The following FBXW12 variants were observed in gnomAD, a reference collection of about 807,000 sequenced individuals.
FBXW12 encodes F-box and WD repeat domain containing 12, also known as F-box/WD repeat-containing protein 12.
In FBXW12, 43 loss-of-function variants were observed where a neutral mutation model predicts 55.3. The observed-to-expected ratio is 0.78, with a 90% CI of 0.61 to 1.00. FBXW12 has a LOEUF of 1.00. Ranked by LOEUF, FBXW12 falls within the 50% of genes least tolerant of loss-of-function variation. The pLI is 0.00. For missense variants in FBXW12, 524 were observed against 560.5 expected (o/e 0.93, Z 0.66); for synonymous variants, 184 against 203.8 (o/e 0.90, Z 0.83).
chr3:48,390,406 CTTTTTTT>C (rs71625870), intron 10 of FBXW12, among the ~76,000 whole-genome samples: 13 of 57,938 alleles, frequency 2.2e-4, no homozygotes, highest in Admixed American at 4.6e-4. Context: ...AGGATTTCCT[CTTTTTTT>C]TTTTTTTTTT....
chr3:48,389,166 C>T (rs958357774), intron 10 of FBXW12, among the ~76,000 whole-genome samples: 4 of 152,098 alleles, frequency 2.6e-5, no homozygotes, highest in African/African-American at 7.2e-5. Context: ...CAAGGTTAGG[C>T]GATTGCTTGA....
chr3:48,380,912 G>A lies in FBXW12; in HGVS notation c.985G>A (p.Ala329Thr), dbSNP rs1200831003. ...GACTGGAGGCCAAACAGTCATCCAA[G>A]GTAGGCTGTGCCACATTAGAAACGC... ...KKTGGQTVIQ[A>T]YEIASFQVAA... Residue 329 changes from alanine to threonine, a missense_variant and splice_region_variant, in exon 8 of 11, where the codon GCA becomes ACA. Coordinates refer to ENST00000296438, the MANE Select transcript of FBXW12 (RefSeq NM_207102.2). The A allele has an allele frequency of 6.2e-7, 1 of 1,613,138 alleles. No homozygotes were observed. Among genetic ancestry groups the A allele is most frequent in the African/African-American group, 1.3e-5 (1 of 74,884 alleles).
chr3:48,383,092 A>G (rs1160924899), intron 10 of FBXW12, among the ~76,000 whole-genome samples: 9 of 152,224 alleles, frequency 5.9e-5, no homozygotes, highest in African/African-American at 1.9e-4. Context: ...CAAGAATAGG[A>G]AAATGTCTAT....
chr3:48,380,965 T>A (rs895522541), intron 8 of FBXW12, 53 bp downstream of exon 8: 2 of 1,471,042 alleles, frequency 1.4e-6, no homozygotes, highest in African/African-American at 2.8e-5. Flanking sequence ...CACACAGTCA[T>A]TCGTGTTTAG....
intron 6 of FBXW12, 55 bp from the exon 7 acceptor site, chr3:48,379,345 A>G (rs1226683388): frequency 6.4e-7 from 1 of 1,555,118 alleles, no homozygotes; most frequent in Non-Finnish European, 8.9e-7. Context: ...CCTCCTCTGT[A>G]CTTCAGGATT....
chr3:48,381,265 G>A (rs1184907503), intron 8 of FBXW12, among the ~76,000 whole-genome samples: 4 of 152,022 alleles, frequency 2.6e-5, no homozygotes, highest in South Asian at 2.1e-4. Flanking sequence ...CTCATGATCC[G>A]CCTGCCTCGG....
At chr3:48,375,539 G>A in intron 5 of FBXW12, 67 bp downstream of exon 5, 4 of 919,648 alleles carry the variant, frequency 4.3e-6, no homozygotes, top group East Asian at 2.8e-5. Flanking sequence ...TATATGAAAC[G>A]GAAGTGCTGA....
intron 6 of FBXW12, among the ~76,000 whole-genome samples, chr3:48,378,974 C>T (rs758435757): frequency 2.6e-5 from 4 of 152,186 alleles, no homozygotes; most frequent in Non-Finnish European, 5.9e-5. Flanking sequence ...CAAACCTCCA[C>T]ACTATCTTGC....
intron 10 of FBXW12, among the ~76,000 whole-genome samples, chr3:48,389,230 G>A (rs949805395): frequency 6.6e-6 from 1 of 151,982 alleles, no homozygotes; most frequent in Admixed American, 6.6e-5. Context: ...TTTTTTAATG[G>A]GTTTGTTTTT....
rs1393883614 is a variant in FBXW12, at chr3:48,380,905, C to A, written c.978C>A (p.Val326=). The A allele has an allele frequency of 1.2e-6, 2 of 1,613,554 alleles. No individual in the cohort carries two copies. Among genetic ancestry groups the A allele is most frequent in the African/African-American group, 2.7e-5 (2 of 74,914 alleles). ...CCAAGAAGACTGGAGGCCAAACAGT[C>A]ATCCAAGGTAGGCTGTGCCACATTA... ...LTTKKTGGQT[V]IQAYEIASFQ... The change falls in exon 8 of 11, where the codon GTC becomes GTA. Residue 326 remains valine, a synonymous_variant. Coordinates refer to ENST00000296438, the MANE Select transcript of FBXW12 (RefSeq NM_207102.2).
intron 5 of FBXW12, among the ~76,000 whole-genome samples, chr3:48,377,757 T>G (rs538132189): frequency 6.6e-6 from 1 of 152,360 alleles, no homozygotes; most frequent in East Asian, 1.9e-4. Flanking sequence ...TCAGGAGGGC[T>G]TAGAAGTGGT....
At chr3:48,378,593 G>A in intron 6 of FBXW12, 67 bp downstream of exon 6, 4 of 1,143,290 alleles carry the variant, frequency 3.5e-6, no homozygotes, top group Non-Finnish European at 5.2e-6. Context: ...AGGCATCCGT[G>A]TCACATTACT....
Position 48,375,974 on chromosome 3 carries a change from C to CTTTTT in FBXW12, c.405+525_405+529dup, listed in dbSNP as rs34834484. Among the ~76,000 whole-genome samples the CTTTTT allele has an allele frequency of 3.4e-3, 138 of 40,652 alleles. 37 individuals carry two copies. Among genetic ancestry groups the CTTTTT allele is most frequent in the African/African-American group, 9.2e-3 (97 of 10,548 alleles). 26.7% of individuals were successfully genotyped at this position (40,652 alleles called of 152,430 possible). A position where few individuals can be genotyped will look rare whatever the true frequency, so the allele number is the denominator to read the frequency against. ...ACAGGCGTGAGCCACTGCGCCCGGC[C>CTTTTT]TTTTTTTTTTTTTTTTTTTTTTTTT... On this transcript the variant is annotated intron_variant, in intron 5 of 10. Transcript: ENST00000296438.
At chr3:48,379,262 A>C in intron 6 of FBXW12, 138 bp from the exon 7 acceptor site, 1 of 789,122 alleles carries the variant, frequency 1.3e-6, no homozygotes. Flanking sequence ...GTCTCAAGCT[A>C]GACTGGTCAG....
chr3:48,387,051 C>T (rs904088450), intron 10 of FBXW12, among the ~76,000 whole-genome samples: 4 of 152,040 alleles, frequency 2.6e-5, no homozygotes, highest in East Asian at 1.9e-4. Context: ...GATTCTCCTG[C>T]CTCAGGGTGT....
At chr3:48,377,580 T>C (rs887698356) in intron 5 of FBXW12, among the ~76,000 whole-genome samples, 2 of 152,242 alleles carry the variant, frequency 1.3e-5, no homozygotes, top group Non-Finnish European at 2.9e-5. Context: ...GAAACAGAGT[T>C]AGCAAAAGCC....
intron 10 of FBXW12, among the ~76,000 whole-genome samples, chr3:48,385,425 C>T (rs886249538): frequency 6.6e-6 from 1 of 151,736 alleles, no homozygotes; most frequent in Admixed American, 6.6e-5. Flanking sequence ...TTGATATACA[C>T]TTAGGTTGAT....
Position 48,373,565 on chromosome 3 carries a change from G to C in FBXW12, c.146G>C (p.Arg49Thr). The C allele has an allele frequency of 6.2e-7, 1 of 1,614,076 alleles. No homozygotes were observed. The highest frequency in any genetic ancestry group is 8.5e-7 in the Non-Finnish European group (1 of 1,179,964). ...DYLWRSLSLQ[R>T]WDCSNFTNQH... is the part of the protein sequence containing the mutation. ...GTTTCCAGGTCACTATCTCTGCAGA[G>C]ATGGGACTGCAGCAACTTCACCAAT... is the stretch of plus-strand genomic sequence containing the variant. Residue 49 changes from arginine to threonine, a missense_variant, in exon 4 of 11, where the codon AGA (arginine) becomes ACA (threonine). By Grantham distance (71) the Arg-to-Thr change is moderately conservative. Coordinates refer to ENST00000296438, the MANE Select transcript of FBXW12 (RefSeq NM_207102.2).
intron 10 of FBXW12, among the ~76,000 whole-genome samples, chr3:48,390,679 G>C (rs1268416192): frequency 6.6e-6 from 1 of 152,000 alleles, no homozygotes; most frequent in African/African-American, 2.4e-5. Context: ...CTCCCAAAGT[G>C]CTGGGATTAC....
Sources: allele counts gnomAD v4.1 joint callset (sites outside exome capture counted in the v4.1 genomes callset), GRCh38; gene constraint gnomAD v4.1.1; transcripts MANE v1.5; gene names NCBI Gene and HGNC (gene_info 2026-07-23, HGNC 2026-07-21).